RCOR1: variants seen among roughly 807,000 people sequenced by gnomAD.
RCOR1 encodes REST corepressor.
RCOR1 carries 12 observed loss-of-function variants against 64.0 expected under a neutral mutation model. The ratio of observed to expected loss-of-function variants is 0.19; its 90% CI spans 0.12 to 0.30. The LOEUF (loss-of-function observed/expected upper bound fraction) is 0.30, where lower values mean the gene tolerates loss of function less well. Ranked by LOEUF, RCOR1 falls within the 10% of genes least tolerant of loss-of-function variation. RCOR1 has a pLI of 1.00. For missense variants in RCOR1, 502 were observed against 621.2 expected (o/e 0.81, Z 2.04); for synonymous variants, 279 against 227.2 (o/e 1.23, Z -2.05).
chr14:102,681,550 C>T (rs1895303638), intron 2 of RCOR1, among the ~76,000 whole-genome samples: 1 of 152,210 alleles, frequency 6.6e-6, no homozygotes, highest in Admixed American at 6.5e-5. Context: ...TAAAAAGTAA[C>T]TCAGGCAGAG....
chr14:102,699,498 C>G (rs1476485729), intron 3 of RCOR1, among the ~76,000 whole-genome samples: 1 of 152,144 alleles, frequency 6.6e-6, no homozygotes, highest in Non-Finnish European at 1.5e-5. Flanking sequence ...ATTTCTGTTT[C>G]CTAAATTGGT....
rs1283383560 is a variant in RCOR1, at chr14:102,593,244, C to T, written c.302-22C>T. The T allele has an allele frequency of 6.6e-6, 10 of 1,506,924 alleles. No individual in the cohort carries two copies. The Admixed American group carries it at 1.9e-4, about 28-fold the overall frequency. 93.3% of individuals were successfully genotyped at this position (1,506,924 alleles called of 1,614,324 possible). ...CCCGCGCCCCGCGCCGCGCTGACCG[C>T]CGTATTCTGCTTCCCCCGCAGGTGG... is the stretch of plus-strand genomic sequence containing the variant. On this transcript the variant is annotated intron_variant, in intron 1 of 11. Transcript: ENST00000262241.
chr14:102,730,193 T>C lies in RCOR1; in HGVS notation c.*3687T>C. 2.5e-6 allele frequency: 1 copy of C among 396,806 alleles called. No homozygotes were observed. Among genetic ancestry groups the C allele is most frequent in the East Asian group, 3.6e-5 (1 of 28,006 alleles). 24.6% of individuals were successfully genotyped at this position (396,806 alleles called of 1,614,324 possible). On this transcript the variant is annotated 3_prime_UTR_variant, in exon 12 of 12. Coordinates refer to ENST00000262241, the MANE Select transcript of RCOR1 (RefSeq NM_015156.4). ...TATTCCATTAGGTAGACTTATCGAC[T>C]TTGCTAAGTGCTTTTTAGACAGCTT...
chr14:102,709,449 AT>A (rs1038225339), intron 6 of RCOR1, among the ~76,000 whole-genome samples: 89 of 152,354 alleles, frequency 5.8e-4, no homozygotes, highest in African/African-American at 2.1e-3. Flanking sequence ...TAATAAAAAA[AT>A]AAAATGAAGG....
rs200024297 is a variant in RCOR1, at chr14:102,689,317, AT to A, written c.445+7341del. ...ATTTTTTTTTTGTTGCTTGATTATT[AT>A]TATTTTTTTTAAGGTAGGGCTTGAA... On this transcript the variant is annotated intron_variant, in intron 3 of 11. Transcript: ENST00000262241. Among the ~76,000 whole-genome samples the A allele has an allele frequency of 6.5e-4, 99 of 152,156 alleles. No homozygotes were observed. The East Asian group carries it at 0.018, about 27-fold the overall frequency.
intron 2 of RCOR1, among the ~76,000 whole-genome samples, chr14:102,618,880 G>C (rs1159278381): frequency 6.6e-6 from 1 of 152,140 alleles, no homozygotes; most frequent in Non-Finnish European, 1.5e-5. Flanking sequence ...TCTTAGGGTG[G>C]CTCTTGAAGG....
At chr14:102,629,630 G>A (rs1284780754) in intron 2 of RCOR1, among the ~76,000 whole-genome samples, 3 of 152,164 alleles carry the variant, frequency 2.0e-5, no homozygotes, top group Non-Finnish European at 4.4e-5. Context: ...TCTCCACAAA[G>A]AATACCTTTA....
At chr14:102,620,792 G>C (rs1020900045) in intron 2 of RCOR1, among the ~76,000 whole-genome samples, 2 of 152,080 alleles carry the variant, frequency 1.3e-5, no homozygotes, top group Admixed American at 6.6e-5. Context: ...TTCACTTAGA[G>C]TAAAAGTGAA....
At chr14:102,698,343 C>T (rs905266537) in intron 3 of RCOR1, among the ~76,000 whole-genome samples, 4 of 152,196 alleles carry the variant, frequency 2.6e-5, no homozygotes, top group Non-Finnish European at 4.4e-5. Flanking sequence ...GCCCAAGAAC[C>T]ACAGGCAGGA....
intron 2 of RCOR1, among the ~76,000 whole-genome samples, chr14:102,619,473 CTTTTTTTT>C (rs35488660): frequency 3.4e-4 from 44 of 131,224 alleles, no homozygotes; most frequent in Middle Eastern, 3.9e-3. Flanking sequence ...TCTATCTAAT[CTTTTTTTT>C]TTTTTTTTTT....
chr14:102,601,257 C>A (rs192631438), intron 2 of RCOR1, among the ~76,000 whole-genome samples: 581 of 152,060 alleles, frequency 3.8e-3, no homozygotes, highest in Non-Finnish European at 6.5e-3. Context: ...AGGTGATTGA[C>A]CCGCCTTGGC....
intron 2 of RCOR1, chr14:102,651,003 G>T (rs958043209): frequency 1.0e-4 from 94 of 912,126 alleles, no homozygotes; most frequent in Non-Finnish European, 1.2e-4. Context: ...GTATCTTAAT[G>T]AGAATGTTCT....
intron 2 of RCOR1, among the ~76,000 whole-genome samples, chr14:102,594,327 G>A (rs1347371282): frequency 2.0e-5 from 3 of 150,478 alleles, no homozygotes; most frequent in African/African-American, 7.3e-5. Flanking sequence ...CTGGGGTTCT[G>A]TATGTGGGTT....
rs146691540 is a variant in RCOR1, at chr14:102,618,104, G to A, written c.361+24779G>A. Among the ~76,000 whole-genome samples, 313 of 151,118 alleles carry A rather than the reference G, an allele frequency of 2.1e-3. 3 individuals are homozygous for A. The highest frequency in any genetic ancestry group is 7.1e-3 in the African/African-American group (292 of 41,162). ...TTCCCGTGCCTCAGCCTCCTGAGTA[G>A]CTGGGATTACAGGCGTGCCCCACCA... On this transcript the variant is annotated intron_variant, in intron 2 of 11. Coordinates refer to ENST00000262241, the MANE Select transcript of RCOR1 (RefSeq NM_015156.4).
intron 2 of RCOR1, among the ~76,000 whole-genome samples, chr14:102,649,292 C>T (rs767679539): frequency 2.8e-4 from 43 of 152,086 alleles, no homozygotes; most frequent in Non-Finnish European, 5.7e-4. Context: ...TAACACTGAA[C>T]TTAGGGAGCA....
chr14:102,683,697 C>G (rs1019049378), intron 3 of RCOR1, among the ~76,000 whole-genome samples: 5 of 152,258 alleles, frequency 3.3e-5, no homozygotes, highest in Non-Finnish European at 5.9e-5. Context: ...CCCCGCTGAC[C>G]TGGAGATGGC....
At chr14:102,707,268 T>TG in intron 4 of RCOR1, 83 bp from the exon 5 acceptor site, 63 of 1,235,150 alleles carry the variant, frequency 5.1e-5, no homozygotes, top group Middle Eastern at 2.0e-4. Context: ...TATGAAGTCG[T>TG]TTTTACTTTT....
intron 11 of RCOR1, 143 bp from the exon 12 acceptor site, chr14:102,726,325 C>A: frequency 1.4e-6 from 1 of 715,290 alleles, no homozygotes; most frequent in Non-Finnish European, 2.3e-6. Context: ...GACCTGTCTC[C>A]CCTCCAAAAA....
In RCOR1 at chr14:102,681,910, G is replaced by T; in HGVS notation, c.377G>T (p.Arg126Leu). 6.2e-7 allele frequency: 1 copy of T among 1,613,186 alleles called. No homozygotes were observed. Among genetic ancestry groups the T allele is most frequent in the Non-Finnish European group, 8.5e-7 (1 of 1,179,290 alleles). ...PDFDPAKLAR[R>L]SQERDNLGML... ...TTCTCCCAAGCCAAACTGGCAAGACGCAGTCAAGAACGGGACAATCTTGGC... is the reference window on the plus strand; with the variant it reads ...TTCTCCCAAGCCAAACTGGCAAGACTCAGTCAAGAACGGGACAATCTTGGC... Residue 126 changes from arginine to leucine, a missense_variant, in exon 3 of 12, where the codon CGC becomes CTC. Transcript: ENST00000262241.
Sources: allele counts gnomAD v4.1 joint callset (sites outside exome capture counted in the v4.1 genomes callset), GRCh38; gene constraint gnomAD v4.1.1; transcripts MANE v1.5; gene names NCBI Gene and HGNC (gene_info 2026-07-23, HGNC 2026-07-21).